The following FHIP1A variants were observed in gnomAD, a reference collection of about 807,000 sequenced individuals.
FHIP1A encodes the protein FHF complex subunit HOOK interacting protein 1A.
In FHIP1A, 61 loss-of-function variants were observed where a neutral mutation model predicts 88.6. The observed-to-expected ratio is 0.69, with a 90% CI of 0.56 to 0.85. FHIP1A has a LOEUF of 0.85. FHIP1A is among the 40% of genes least tolerant of loss of function. The probability of loss-of-function intolerance (pLI) is 0.00; values close to 1 mark genes in which losing one functional copy is unlikely to be tolerated. For missense variants in FHIP1A, 1,154 were observed against 1,273.5 expected (o/e 0.91, Z 1.43); for synonymous variants, 478 against 496.0 (o/e 0.96, Z 0.48).
At chr4:151,418,642 G>T (rs1260282405) in intron 1 of FHIP1A, among the ~76,000 whole-genome samples, 1 of 152,136 alleles carries the variant, frequency 6.6e-6, no homozygotes, top group African/African-American at 2.4e-5. Context: ...TGACTTGGTT[G>T]TCTTGGGTAT....
At chr4:151,587,356 T>G (rs1734258802) in intron 6 of FHIP1A, among the ~76,000 whole-genome samples, 1 of 152,180 alleles carries the variant, frequency 6.6e-6, no homozygotes, top group African/African-American at 2.4e-5. Flanking sequence ...GATTTTTACC[T>G]TTAGATTTGT....
At chr4:151,448,470 C>T (rs12498556) in intron 1 of FHIP1A, among the ~76,000 whole-genome samples, 17,230 of 152,120 alleles carry the variant, frequency 0.11, 1,026 homozygotes, top group African/African-American at 0.13. Context: ...TCCCCATTAT[C>T]CCCCTTGGCC....
chr4:151,610,437 GC>G (rs909974679), intron 7 of FHIP1A, among the ~76,000 whole-genome samples: 3 of 152,102 alleles, frequency 2.0e-5, no homozygotes, highest in African/African-American at 7.2e-5. Context: ...TTGGCATATT[GC>G]CAGGAGGAAA....
At chr4:151,615,918 G>A (rs1735500479) in intron 7 of FHIP1A, among the ~76,000 whole-genome samples, 1 of 152,154 alleles carries the variant, frequency 6.6e-6, no homozygotes, top group South Asian at 2.1e-4. Context: ...TTGGGAAGTT[G>A]GGAAGAGGAG....
chr4:151,435,495 C>T (rs1728139942), intron 1 of FHIP1A, among the ~76,000 whole-genome samples: 2 of 152,112 alleles, frequency 1.3e-5, no homozygotes, highest in Non-Finnish European at 1.5e-5. Context: ...TGGTATAAAT[C>T]TAAATGGGTT....
intron 1 of FHIP1A, among the ~76,000 whole-genome samples, chr4:151,412,369 G>A (rs1177115074): frequency 6.6e-6 from 1 of 152,118 alleles, no homozygotes; most frequent in Non-Finnish European, 1.5e-5. Context: ...GCCTCCCAAA[G>A]TGCTGGGATT....
At chr4:151,573,414 G>T (rs923167919) in intron 4 of FHIP1A, among the ~76,000 whole-genome samples, 11 of 152,114 alleles carry the variant, frequency 7.2e-5, no homozygotes, top group African/African-American at 2.4e-4. Context: ...ATTAATGAGC[G>T]TGGGCTTTAT....
At chr4:151,422,239 T>TA (rs1561488195) in intron 1 of FHIP1A, among the ~76,000 whole-genome samples, 12 of 144,768 alleles carry the variant, frequency 8.3e-5, no homozygotes, top group Admixed American at 7.6e-4. Flanking sequence ...ATATATATAT[T>TA]AACTCTTTCC....
chr4:151,566,200 G>A lies in FHIP1A; in HGVS notation c.-60G>A, dbSNP rs534183876. The A allele has an allele frequency of 1.3e-5, 14 of 1,103,110 alleles. No individual in the cohort carries two copies. In the African/African-American group the frequency reaches 1.3e-4, roughly 10 times the overall value. The allele number at this position is 1,103,110 out of a possible 1,614,324, so 68.3% of individuals were successfully genotyped here. On this transcript the variant is annotated 5_prime_UTR_variant, in exon 4 of 14. Coordinates refer to ENST00000435205, the MANE Select transcript of FHIP1A (RefSeq NM_001109977.3). ...TTTCTCAAACTTGAAAGTTAGTGAC[G>A]GCTTACCAAATTTTAATGAAAATTA...
Position 151,650,480 on chromosome 4 carries a change from T to C in FHIP1A, c.2439T>C (p.Ser813=). The change falls in exon 11 of 14, where the codon TCT becomes TCC. Residue 813 remains serine, a synonymous_variant. Coordinates refer to ENST00000435205, the MANE Select transcript of FHIP1A (RefSeq NM_001109977.3). ...AAGATGAGGAGGATGACTTTGACTCTTTTATAGCGGAGATGCCTGCTGTAG... is the reference window on the plus strand; with the variant it reads ...AAGATGAGGAGGATGACTTTGACTCCTTTATAGCGGAGATGCCTGCTGTAG... The part of the protein sequence containing the change: ...ELEDEEDDFD[S]FIAEMPAVET... 3 of 1,551,558 alleles carry C rather than the reference T, an allele frequency of 1.9e-6. No individual in the cohort carries two copies. Among genetic ancestry groups the C allele is most frequent in the Non-Finnish European group, 1.7e-6 (2 of 1,147,026 alleles).
chr4:151,436,113 G>A (rs1315797833), intron 1 of FHIP1A, among the ~76,000 whole-genome samples: 1 of 152,130 alleles, frequency 6.6e-6, no homozygotes, highest in Non-Finnish European at 1.5e-5. Context: ...CGACGCTTCA[G>A]TATCTTCTCT....
intron 11 of FHIP1A, among the ~76,000 whole-genome samples, chr4:151,655,094 C>G (rs1158993550): frequency 6.6e-6 from 1 of 152,172 alleles, no homozygotes; most frequent in African/African-American, 2.4e-5. Flanking sequence ...AAGGAAGCAT[C>G]TTGTGATGAA....
At chr4:151,654,104 A>T (rs1355668760) in intron 11 of FHIP1A, among the ~76,000 whole-genome samples, 1 of 151,430 alleles carries the variant, frequency 6.6e-6, no homozygotes, top group African/African-American at 2.4e-5. Context: ...AGAAACTAAG[A>T]ATAAAGTAGG....
chr4:151,444,312 T>G (rs1041285688), intron 1 of FHIP1A, among the ~76,000 whole-genome samples: 1 of 152,156 alleles, frequency 6.6e-6, no homozygotes, highest in Non-Finnish European at 1.5e-5. Context: ...GTTGTTCTTT[T>G]AAAAAATAAC....
intron 3 of FHIP1A, among the ~76,000 whole-genome samples, chr4:151,552,168 A>G (rs1578743291): frequency 6.6e-6 from 1 of 152,226 alleles, no homozygotes; most frequent in African/African-American, 2.4e-5. Flanking sequence ...TTAAAAAGTC[A>G]GGAAATAACA....
chr4:151,628,673 A>G (rs1211080601), intron 7 of FHIP1A, among the ~76,000 whole-genome samples: 2 of 152,192 alleles, frequency 1.3e-5, no homozygotes, highest in African/African-American at 4.8e-5. Flanking sequence ...AATCGAGTGC[A>G]TTTGACTCAT....
At chr4:151,572,387 A>G (rs922519141) in intron 4 of FHIP1A, among the ~76,000 whole-genome samples, 1 of 152,202 alleles carries the variant, frequency 6.6e-6, no homozygotes, top group African/African-American at 2.4e-5. Context: ...TCCAAGATTT[A>G]GGCAAGCCTC....
intron 13 of FHIP1A, 68 bp from the exon 14 acceptor site, chr4:151,662,433 G>A (rs1352799893): frequency 1.3e-5 from 18 of 1,438,392 alleles, no homozygotes; most frequent in Non-Finnish European, 8.3e-6. Flanking sequence ...CCAAACACAT[G>A]CTTCACTGAA....
chr4:151,655,570 C>T (rs570301686), intron 11 of FHIP1A, among the ~76,000 whole-genome samples: 9 of 152,264 alleles, frequency 5.9e-5, no homozygotes, highest in African/African-American at 1.7e-4. Flanking sequence ...TGAAAATTCA[C>T]GTGTGGTTAC....
Sources: gnomAD v4.1 joint callset for allele counts (sites outside exome capture counted in the v4.1 genomes callset) on GRCh38, gnomAD v4.1.1 for gene constraint, MANE v1.5 for transcripts, NCBI Gene and HGNC (gene_info 2026-07-23, HGNC 2026-07-21) for gene names.